HSH2D: variants seen among roughly 807,000 people sequenced by gnomAD.
HSH2D encodes hematopoietic SH2 domain containing.
HSH2D carries 16 observed loss-of-function variants against 21.5 expected under a neutral mutation model. The ratio of observed to expected loss-of-function variants is 0.74; its 90% CI spans 0.50 to 1.13. HSH2D has a LOEUF of 1.13. Ranked by LOEUF, HSH2D falls within the 50% of genes most tolerant of loss-of-function variation. The probability of loss-of-function intolerance (pLI) is 0.00; values close to 1 mark genes in which losing one functional copy is unlikely to be tolerated. For synonymous variants in HSH2D, 172 were observed against 184.7 expected (o/e 0.93, Z 0.56); for missense variants, 418 against 441.4 (o/e 0.95, Z 0.47).
upstream of HSH2D, among the ~76,000 whole-genome samples, chr19:16,143,016 G>T (rs189979938): frequency 3.4e-5 from 5 of 147,826 alleles, no homozygotes; most frequent in Admixed American, 1.3e-4. Flanking sequence ...TGATCCACCC[G>T]CCTCGGCCTC....
At chr19:16,151,430 T>G in intron 2 of HSH2D, 1 of 417,302 alleles carries the variant, frequency 2.4e-6, no homozygotes, top group Non-Finnish European at 4.8e-6. Flanking sequence ...TGTTGCAAGT[T>G]CTTTCTGTTC....
chr19:16,140,383 C>T (rs544777303), upstream of HSH2D, among the ~76,000 whole-genome samples: 61 of 152,134 alleles, frequency 4.0e-4, 1 homozygote, highest in East Asian at 0.011. Flanking sequence ...GGTGGGCAGA[C>T]CACTTGAGGT....
chr19:16,141,654 C>A (rs139189073), upstream of HSH2D, among the ~76,000 whole-genome samples: 147 of 152,252 alleles, frequency 9.7e-4, no homozygotes, highest in East Asian at 0.026. Flanking sequence ...GCTGGCACGG[C>A]GGCCCACACC....
intron 4 of HSH2D, 101 bp downstream of exon 4, chr19:16,153,309 C>A: frequency 8.5e-7 from 1 of 1,172,292 alleles, no homozygotes; most frequent in South Asian, 1.6e-5. Flanking sequence ...TTGATTCTGT[C>A]ACTCTCATGG....
In HSH2D at chr19:16,147,639, G is replaced by T. The variant is rs540112655; in HGVS notation, c.-27-1085G>T. ...ATCACAAGCCAGTGGTTTTTTTTTT[G>T]TTTTGTTTTGTTTTGTTTTGTTTTG... On this transcript the variant is annotated intron_variant, in intron 1 of 5. Coordinates refer to ENST00000613986, the MANE Select transcript of HSH2D (RefSeq NM_001382417.1). 5.8e-3 allele frequency among the ~76,000 whole-genome samples: 863 copies of T among 149,000 alleles called. 5 individuals carry two copies. The highest frequency in any genetic ancestry group is 0.02 in the African/African-American group (816 of 40,530).
At chr19:16,153,269 C>G in intron 4 of HSH2D, 61 bp downstream of exon 4, 1 of 1,412,458 alleles carries the variant, frequency 7.1e-7, no homozygotes, top group Non-Finnish European at 9.3e-7. Context: ...CCCCAGACCC[C>G]TTTGTTTCCC....
chr19:16,157,523 G>C lies in HSH2D; in HGVS notation c.788G>C (p.Arg263Thr). ...TCAGGGGATCCCACCTCGGGGGACA[G>C]AGGCTACACGGATCCCTGTGTGGCC... ...DHSGDPTSGD[R>T]GYTDPCVATS... Residue 263 changes from arginine to threonine, a missense_variant, in exon 6 of 6, where the codon AGA (arginine) becomes ACA (threonine). Transcript: ENST00000613986. The surrounding 1 kb of genome is among the most constrained non-coding windows in gnomAD (Gnocchi z 4.4). 6.2e-7 allele frequency: 1 copy of C among 1,613,914 alleles called. No individual in the cohort carries two copies. Among genetic ancestry groups the C allele is most frequent in the Non-Finnish European group, 8.5e-7 (1 of 1,179,848 alleles).
intron 5 of HSH2D, among the ~76,000 whole-genome samples, chr19:16,156,594 C>T (rs1324632384): frequency 6.6e-6 from 1 of 152,158 alleles, no homozygotes; most frequent in Non-Finnish European, 1.5e-5. Context: ...CATTGGTTCA[C>T]GTGTGACCTC....
Position 16,154,117 on chromosome 19 carries a change from T to G in HSH2D, c.382-282T>G, listed in dbSNP as rs796225158. On this transcript the variant is annotated intron_variant, in intron 4 of 5. Transcript: ENST00000613986. ...CCTGACCTAGCGCCCAAGAAACTGTTGTGGGCGGGGCATCTTTCCTTAGAA... is the reference window on the plus strand; with the variant it reads ...CCTGACCTAGCGCCCAAGAAACTGTGGTGGGCGGGGCATCTTTCCTTAGAA... 2.3e-3 allele frequency among the ~76,000 whole-genome samples: 300 copies of G among 129,216 alleles called. 2 individuals are homozygous for G. The highest frequency in any genetic ancestry group is 7.5e-3 in the African/African-American group (291 of 38,784). The allele number at this position is 129,216 out of a possible 152,430, so 84.8% of individuals were successfully genotyped here.
intron 3 of HSH2D, 23 bp downstream of exon 3, chr19:16,152,664 G>A: frequency 6.5e-7 from 1 of 1,527,682 alleles, no homozygotes; most frequent in South Asian, 1.2e-5. Flanking sequence ...CCGGGATCCA[G>A]GGCAGGGGCA....
intron 1 of HSH2D, among the ~76,000 whole-genome samples, chr19:16,135,296 G>A (rs2090954771): frequency 6.6e-6 from 1 of 151,738 alleles, no homozygotes; most frequent in African/African-American, 2.4e-5. Flanking sequence ...TAGTATGGTG[G>A]CATGCACCTG....
upstream of HSH2D, among the ~76,000 whole-genome samples, chr19:16,143,473 G>A (rs140675046): frequency 7.7e-4 from 117 of 152,266 alleles, no homozygotes; most frequent in African/African-American, 2.7e-3. Context: ...ACCTGTCTCC[G>A]TGTCACCCCT....
chr19:16,143,773 A>T lies in HSH2D; in HGVS notation c.-29A>T, dbSNP rs948306999. ...GGCCTCGGCCATCCAAGGGTCTCCC[A>T]GGTATGTGACCCAAGAGCCTCAGCC... On this transcript the variant is annotated splice_region_variant and 5_prime_UTR_variant, in exon 1 of 6. Transcript: ENST00000613986. 2.2e-6 allele frequency: 1 copy of T among 451,152 alleles called. No homozygotes were observed. The highest frequency in any genetic ancestry group is 4.5e-6 in the Non-Finnish European group (1 of 223,880). 27.9% of individuals were successfully genotyped at this position (451,152 alleles called of 1,614,324 possible). A position where few individuals can be genotyped will look rare whatever the true frequency, so the allele number is the denominator to read the frequency against.
Position 16,153,129 on chromosome 19 carries a change from C to T in HSH2D, c.302C>T (p.Ser101Leu), listed in dbSNP as rs374950543. 5.1e-5 allele frequency: 82 copies of T among 1,596,814 alleles called. 1 individual carries two copies. In the African/African-American group the frequency reaches 9.8e-4, roughly 19 times the overall value. ...CCCGGGGAGAAGGTGGCCCACACCT[C>T]GCTGGACGCCCTGGTCACCTTCCAC... ...MIPGEKVAHT[S>L]LDALVTFHQQ... is the part of the protein sequence containing the mutation. The change falls in exon 4 of 6, where the codon TCG becomes TTG. Residue 101 changes from serine (S) to leucine (L), a missense_variant. Transcript: ENST00000613986.
At chr19:16,135,381 A>G (rs895963294) in intron 1 of HSH2D, among the ~76,000 whole-genome samples, 6 of 152,014 alleles carry the variant, frequency 3.9e-5, no homozygotes, top group East Asian at 1.9e-4. Flanking sequence ...GTGAGCTGTG[A>G]CCACACCACT....
At chr19:16,154,607 G>T (rs1178013131) in intron 5 of HSH2D, 116 bp downstream of exon 5, 5 of 609,056 alleles carry the variant, frequency 8.2e-6, no homozygotes, top group Non-Finnish European at 1.2e-5. Flanking sequence ...CTACAGCTTG[G>T]TGCTTTAAAC....
intron 5 of HSH2D, among the ~76,000 whole-genome samples, chr19:16,156,180 C>T (rs2091233909): frequency 6.6e-6 from 1 of 151,748 alleles, no homozygotes; most frequent in Admixed American, 6.6e-5. Context: ...ACAGCAAGCC[C>T]GTCTCCACAA....
At chr19:16,151,911 G>A (rs2091158470) in intron 2 of HSH2D, among the ~76,000 whole-genome samples, 1 of 142,088 alleles carries the variant, frequency 7.0e-6, no homozygotes, top group Admixed American at 7.2e-5. Flanking sequence ...TTTGAGACCA[G>A]CCTGGCCAAC....
upstream of HSH2D, among the ~76,000 whole-genome samples, chr19:16,142,271 AT>A (rs1436403481): frequency 9.2e-5 from 14 of 152,088 alleles, no homozygotes; most frequent in Admixed American, 7.9e-4. Flanking sequence ...CTACAAAAAA[AT>A]ATACTCTTTC....
Sources: gnomAD v4.1 joint callset for allele counts (sites outside exome capture counted in the v4.1 genomes callset) on GRCh38, gnomAD v4.1.1 for gene constraint, Gnocchi (gnomAD v3.1) non-coding constraint, MANE v1.5 for transcripts, NCBI Gene and HGNC (gene_info 2026-07-23, HGNC 2026-07-21) for gene names.